IL5RA: variants seen among roughly 807,000 people sequenced by gnomAD.
IL5RA encodes interleukin 5 receptor subunit alpha.
Under a neutral mutation model 50.0 loss-of-function variants are expected in IL5RA, and 49 were observed. The ratio of observed to expected loss-of-function variants is 0.98; its 90% confidence interval spans 0.78 to 1.24. The LOEUF (loss-of-function observed/expected upper bound fraction) is 1.24, where lower values mean the gene tolerates loss of function less well. IL5RA is among the 50% of genes most tolerant of loss of function. IL5RA has a pLI of 0.00. For missense variants in IL5RA, 600 were observed against 500.4 expected, an observed-to-expected ratio of 1.20 and a Z score of -1.90; for synonymous variants, 202 against 174.0, an observed-to-expected ratio of 1.16 and a Z score of -1.26.
At chr3:3,093,169 T>A (rs949117518) in intron 8 of IL5RA, among the ~76,000 whole-genome samples, 2 of 152,280 alleles carry the variant, frequency 1.3e-5, no homozygotes, top group Non-Finnish European at 2.9e-5. Context: ...ATAGAGCCAC[T>A]CTGGGAGAAA....
chr3:3,075,814 G>C (rs340806), intron 10 of IL5RA, among the ~76,000 whole-genome samples: 8 of 151,764 alleles, frequency 5.3e-5, no homozygotes, highest in Non-Finnish European at 1.2e-4. Flanking sequence ...ATTAGCCAGG[G>C]TGGTCTCGAT....
chr3:3,090,546 C>CTTT (rs10711626), intron 9 of IL5RA, among the ~76,000 whole-genome samples: 1 of 131,610 alleles, frequency 7.6e-6, no homozygotes. Context: ...TTTGAATTTT[C>CTTT]TTTTTTTTTT....
chr3:3,078,530 C>T (rs1221188393), intron 9 of IL5RA, among the ~76,000 whole-genome samples: 1 of 152,148 alleles, frequency 6.6e-6, no homozygotes, highest in African/African-American at 2.4e-5. Context: ...ACTTTATTTC[C>T]CAGTCTAAAT....
intron 9 of IL5RA, among the ~76,000 whole-genome samples, chr3:3,087,034 A>G (rs1358742904): frequency 6.6e-6 from 1 of 152,160 alleles, no homozygotes; most frequent in Non-Finnish European, 1.5e-5. Flanking sequence ...AGGCATACAG[A>G]GTGGTATAAT....
At position 3,092,012 on chromosome 3, in the gene IL5RA, T is replaced by C. The variant is rs1703135607; in HGVS notation, c.994+212A>G. On this transcript the variant is annotated intron_variant, in intron 9 of 11. Coordinates refer to ENST00000446632, the MANE Select transcript of IL5RA (RefSeq NM_175726.4). The surrounding 1 kb of genome is among the most constrained non-coding windows in gnomAD (Gnocchi z 4.2). ...AAAACAGGCACCAGGTCTAGGAGAG[T>C]TGGCGCTAATGAGAAGCCTAGACAC... 12 of 1,265,810 alleles carry C rather than the reference T, an allele frequency of 9.5e-6. No individual in the cohort carries two copies. The highest frequency in any genetic ancestry group is 1.5e-5 in the African/African-American group (1 of 64,840). The allele number at this position is 1,265,810 out of a possible 1,614,324, so 78.4% of individuals were successfully genotyped here.
At position 3,087,281 on chromosome 3, in the gene IL5RA, T is replaced by G. The variant is rs181828270; in HGVS notation, c.994+4943A>C. Among the ~76,000 whole-genome samples the G allele has an allele frequency of 2.0e-5, 3 of 152,258 alleles. No homozygotes were observed. The East Asian group carries it at 5.8e-4, about 29-fold the overall frequency. On this transcript the variant is annotated intron_variant, in intron 9 of 11. Transcript: ENST00000446632. ...GGAAATTCTAGGACAGGAGAGCCAA[T>G]CAGGCACTGTTCAGAGCAAGCAAAG...
chr3:3,083,256 T>C (rs1187003019), intron 9 of IL5RA, among the ~76,000 whole-genome samples: 3 of 151,876 alleles, frequency 2.0e-5, no homozygotes, highest in African/African-American at 4.8e-5. Context: ...CTGTGGGAGG[T>C]ACCTGGTTTA....
rs768355582 is a variant in IL5RA at position 3,092,402 on chromosome 3, C to T, written c.856-40G>A. The T allele has an allele frequency of 4.4e-6, 7 of 1,594,664 alleles. No individual in the cohort carries two copies. The highest frequency in any genetic ancestry group is 6.0e-6 in the Non-Finnish European group (7 of 1,168,732). On this transcript the variant is annotated intron_variant, in intron 8 of 11. Transcript: ENST00000446632. This position sits in a 1 kb window ranked among gnomAD's most constrained non-coding sequence, Gnocchi z 4.2. ...ATAGCATTAGAAGAATCTCTAGACA[C>T]CTAATTTAGTTCTGCCGATTATCAG...
At chr3:3,070,828 G>C (rs1055379329) in intron 11 of IL5RA, among the ~76,000 whole-genome samples, 2 of 151,726 alleles carry the variant, frequency 1.3e-5, no homozygotes, top group Non-Finnish European at 2.9e-5. Flanking sequence ...TGATCCCCCC[G>C]CCTCGGCCTC....
chr3:3,107,938 CCA>C (rs1055563827), intron 2 of IL5RA, among the ~76,000 whole-genome samples: 1 of 151,820 alleles, frequency 6.6e-6, no homozygotes, highest in Non-Finnish European at 1.5e-5. Flanking sequence ...CTTTTTTTTC[CCA>C]ACTTATTTTT....
At chr3:3,091,210 C>T (rs1006393420) in intron 9 of IL5RA, among the ~76,000 whole-genome samples, 2 of 152,060 alleles carry the variant, frequency 1.3e-5, no homozygotes, top group African/African-American at 4.8e-5. Flanking sequence ...TTGGAATCTT[C>T]TTTTTTTAAA....
chr3:3,082,105 G>C (rs1276441250), intron 9 of IL5RA, among the ~76,000 whole-genome samples: 1 of 152,136 alleles, frequency 6.6e-6, no homozygotes. Flanking sequence ...GTGAATTAAA[G>C]TAAGCACCTG....
intron 9 of IL5RA, among the ~76,000 whole-genome samples, chr3:3,079,094 C>A (rs1460824908): frequency 2.6e-5 from 4 of 152,036 alleles, no homozygotes; most frequent in African/African-American, 9.7e-5. Context: ...TTCGATTGGC[C>A]CTCTCCACTC....
rs1574999163 is a variant in IL5RA at position 3,095,367 on chromosome 3, A to G, written c.787T>C (p.Ser263Pro). 3.7e-6 allele frequency: 6 copies of G among 1,609,562 alleles called. No individual in the cohort carries two copies. Among genetic ancestry groups the G allele is most frequent in the Middle Eastern group, 1.7e-4 (1 of 5,980 alleles). The change falls in exon 8 of 12, where the codon TCT (serine) becomes CCT (proline). Residue 263 changes from serine (S) to proline (P), a missense_variant. Ser to Pro is a moderately conservative substitution (Grantham distance 74). Transcript: ENST00000446632. ...TCAAAGCAATGGATTGGAAAAGCAG[A>G]CACTGGTTTCTCCCATTGGATAGAG... ...RLSIQWEKPV[S>P]AFPIHCFDYE...
chr3:3,076,889 C>A (rs1702505690), intron 9 of IL5RA, among the ~76,000 whole-genome samples: 1 of 152,188 alleles, frequency 6.6e-6, no homozygotes, highest in Non-Finnish European at 1.5e-5. Context: ...ATGATTTATT[C>A]AATCAATCAG....
intron 5 of IL5RA, among the ~76,000 whole-genome samples, chr3:3,100,017 C>T (rs1161913444): frequency 2.0e-5 from 3 of 152,180 alleles, no homozygotes; most frequent in African/African-American, 7.2e-5. Context: ...AAGGATTTCT[C>T]AAATTATGTG....
Position 3,104,885 on chromosome 3 carries a change from T to A in IL5RA, c.82+18A>T. 1 of 1,483,564 alleles carries A rather than the reference T, an allele frequency of 6.7e-7. No individual in the cohort carries two copies. Among genetic ancestry groups the A allele is most frequent in the Non-Finnish European group, 9.4e-7 (1 of 1,066,114 alleles). 91.9% of individuals were successfully genotyped at this position (1,483,564 alleles called of 1,614,324 possible). A position where few individuals can be genotyped will look rare whatever the true frequency, so the allele number is the denominator to read the frequency against. ...TTTTTAAAAATAAACATTATTGAATTGAATAGAAGGTCCTTACTCTTTTCA... is the reference window on the plus strand; with the variant it reads ...TTTTTAAAAATAAACATTATTGAATAGAATAGAAGGTCCTTACTCTTTTCA... On this transcript the variant is annotated intron_variant, in intron 3 of 11. Transcript: ENST00000446632.
In IL5RA at chr3:3,102,831, A is replaced by G. The variant is rs527425338; in HGVS notation, c.83-11T>C. On this transcript the variant is annotated splice_polypyrimidine_tract_variant and intron_variant, in intron 3 of 11. Coordinates refer to ENST00000446632, the MANE Select transcript of IL5RA (RefSeq NM_175726.4). ...GTGGGAGAAGTGAAACTGTTGATTCAAAGAATAAAGAAACAACACAATGTT... is the reference window on the plus strand; with the variant it reads ...GTGGGAGAAGTGAAACTGTTGATTCGAAGAATAAAGAAACAACACAATGTT... 1.8e-4 allele frequency: 286 copies of G among 1,591,974 alleles called. 7 individuals are homozygous for G. The South Asian group carries it at 3.1e-3, about 18-fold the overall frequency.
chr3:3,085,735 G>A (rs758698813), intron 9 of IL5RA, among the ~76,000 whole-genome samples: 1 of 152,068 alleles, frequency 6.6e-6, no homozygotes, highest in Non-Finnish European at 1.5e-5. Context: ...ATTGCCATAG[G>A]CCACCCTGAT....
Sources: gnomAD v4.1 joint callset for allele counts (sites outside exome capture counted in the v4.1 genomes callset) on GRCh38, gnomAD v4.1.1 for gene constraint, Gnocchi (gnomAD v3.1) non-coding constraint, MANE v1.5 for transcripts, NCBI Gene and HGNC (gene_info 2026-07-23, HGNC 2026-07-21) for gene names.